LHFPL2: variants seen among roughly 807,000 people sequenced by gnomAD.
LHFPL2 encodes the protein LHFPL tetraspan subfamily member 2 protein.
A neutral mutation model predicts 17.5 loss-of-function variants in LHFPL2; 7 were observed. The ratio of observed to expected loss-of-function variants is 0.40; its 90% CI spans 0.23 to 0.75. The LOEUF (loss-of-function observed/expected upper bound fraction) is 0.75. Among genes scored for constraint, LHFPL2 ranks in the 30% least tolerant of loss-of-function variants. The pLI is 0.37. For synonymous variants in LHFPL2, 134 were observed against 116.2 expected, an observed-to-expected ratio of 1.15 and a Z score of -0.99; for missense variants, 241 against 294.8, an observed-to-expected ratio of 0.82 and a Z score of 1.34.
intron 4 of LHFPL2, among the ~76,000 whole-genome samples, chr5:78,507,336 A>T (rs914271882): frequency 3.9e-5 from 6 of 152,068 alleles, no homozygotes; most frequent in African/African-American, 1.2e-4. Context: ...TCTTAAAAAA[A>T]AAAAAGAAAA....
At chr5:78,601,490 T>C (rs1744012694) in intron 2 of LHFPL2, among the ~76,000 whole-genome samples, 1 of 152,160 alleles carries the variant, frequency 6.6e-6, no homozygotes, top group South Asian at 2.1e-4. Flanking sequence ...TCCCTGTAAG[T>C]TAGGCAGCCT....
Position 78,488,729 on chromosome 5 carries a change from G to A in LHFPL2, c.*168C>T, listed in dbSNP as rs1014372718. On this transcript the variant is annotated 3_prime_UTR_variant, in exon 5 of 5. Coordinates refer to ENST00000380345, the MANE Select transcript of LHFPL2 (RefSeq NM_005779.3). The stretch of plus-strand genomic sequence containing the variant: ...ATGTGCACTGCAGACCGCATGTCCA[G>A]TAACTTTGCGTAGCTGGATGTGGCC... 1 of 691,568 alleles carries A rather than the reference G, an allele frequency of 1.4e-6. No homozygotes were observed. Among genetic ancestry groups the A allele is most frequent in the South Asian group, 1.8e-5 (1 of 56,392 alleles). 42.8% of individuals were successfully genotyped at this position (691,568 alleles called of 1,614,324 possible). A position where few individuals can be genotyped will look rare whatever the true frequency, so the allele number is the denominator to read the frequency against.
In LHFPL2 at chr5:78,487,054, T is replaced by C. The variant is rs1754271179; in HGVS notation, c.*1843A>G. The C allele has an allele frequency of 6.6e-6, 1 of 152,206 alleles. No homozygotes were observed. 9.4% of individuals were successfully genotyped at this position (152,206 alleles called of 1,614,324 possible). On this transcript the variant is annotated 3_prime_UTR_variant, in exon 5 of 5. Transcript: ENST00000380345. ...GAGATATGGTTAAGGTTTCCTAGGCTGCTATGAAGATACCCGTTTTTTTCT... is the reference window on the plus strand; with the variant it reads ...GAGATATGGTTAAGGTTTCCTAGGCCGCTATGAAGATACCCGTTTTTTTCT...
chr5:78,595,437 T>C (rs1004066009), intron 2 of LHFPL2, among the ~76,000 whole-genome samples: 1 of 152,214 alleles, frequency 6.6e-6, no homozygotes, highest in Non-Finnish European at 1.5e-5. Context: ...CCTTTCCACC[T>C]AGGTGAACAA....
chr5:78,597,401 C>T (rs755934896), intron 2 of LHFPL2, among the ~76,000 whole-genome samples: 18 of 152,176 alleles, frequency 1.2e-4, no homozygotes, highest in Non-Finnish European at 1.9e-4. Flanking sequence ...TTTTCCCAAA[C>T]CTAGTGTTTT....
chr5:78,530,224 C>A (rs147622732), intron 3 of LHFPL2, among the ~76,000 whole-genome samples: 57 of 152,156 alleles, frequency 3.7e-4, no homozygotes, highest in African/African-American at 1.3e-3. Context: ...CTCTGAAATA[C>A]CAAGTGACTG....
rs147833964 is a variant in LHFPL2 at position 78,642,978 on chromosome 5, C to A, written c.-350+5521G>T. On this transcript the variant is annotated intron_variant, in intron 1 of 4. Coordinates refer to ENST00000380345, the MANE Select transcript of LHFPL2 (RefSeq NM_005779.3). Reference sequence around the variant, plus strand: ...CTCCCAGCTCACCTTGTTCCCCCCCCTCCTTGTTACCTAGCCCACCTTATG... The same window carrying A: ...CTCCCAGCTCACCTTGTTCCCCCCCATCCTTGTTACCTAGCCCACCTTATG... Among the ~76,000 whole-genome samples, 6 of 152,168 alleles carry A rather than the reference C, an allele frequency of 3.9e-5. No individual in the cohort carries two copies. In the East Asian group the frequency reaches 5.8e-4, roughly 15 times the overall value.
At chr5:78,618,771 C>T (rs540772556) in intron 2 of LHFPL2, among the ~76,000 whole-genome samples, 24 of 152,208 alleles carry the variant, frequency 1.6e-4, no homozygotes, top group African/African-American at 5.8e-4. Context: ...CCAGCCATAC[C>T]GTATATAAAT....
chr5:78,556,072 A>G (rs1185660681), intron 3 of LHFPL2, among the ~76,000 whole-genome samples: 1 of 152,122 alleles, frequency 6.6e-6, no homozygotes, highest in Non-Finnish European at 1.5e-5. Flanking sequence ...GGACAGGGGC[A>G]CCCACTGGGC....
At chr5:78,495,142 A>C (rs1259311665) in intron 4 of LHFPL2, among the ~76,000 whole-genome samples, 10 of 152,198 alleles carry the variant, frequency 6.6e-5, no homozygotes, top group African/African-American at 2.4e-4. Context: ...TACAGTGAGT[A>C]TTTCACTGGG....
chr5:78,574,280 A>G (rs938016301), intron 2 of LHFPL2, among the ~76,000 whole-genome samples: 16 of 152,332 alleles, frequency 1.1e-4, no homozygotes, highest in Admixed American at 1.0e-3. Flanking sequence ...TCTGTACACC[A>G]GGCCCAGCCC....
intron 3 of LHFPL2, among the ~76,000 whole-genome samples, chr5:78,512,616 C>T (rs1193956228): frequency 1.3e-5 from 2 of 151,982 alleles, no homozygotes; most frequent in East Asian, 1.9e-4. Context: ...CCTGCACGTA[C>T]CCATCAGGCT....
intron 2 of LHFPL2, among the ~76,000 whole-genome samples, chr5:78,590,411 T>A (rs543358086): frequency 2.7e-4 from 41 of 152,348 alleles, no homozygotes; most frequent in African/African-American, 9.4e-4. Context: ...TCTAACTATA[T>A]TGAAATCATT....
intron 2 of LHFPL2, among the ~76,000 whole-genome samples, chr5:78,622,342 C>T (rs755659337): frequency 6.6e-6 from 1 of 152,208 alleles, no homozygotes; most frequent in Non-Finnish European, 1.5e-5. Flanking sequence ...ACGATAGCAG[C>T]GCCAATGACT....
chr5:78,635,190 C>CTT (rs1052579086), intron 1 of LHFPL2, among the ~76,000 whole-genome samples: 70 of 152,268 alleles, frequency 4.6e-4, no homozygotes, highest in Non-Finnish European at 8.5e-4. Context: ...TTGGCTTTGG[C>CTT]AGCAGAATGC....
intron 3 of LHFPL2, among the ~76,000 whole-genome samples, chr5:78,518,604 C>T (rs1755356986): frequency 1.3e-5 from 2 of 152,220 alleles, no homozygotes; most frequent in South Asian, 4.1e-4. Flanking sequence ...ACAGAACGAT[C>T]CTTCAACTCT....
chr5:78,582,834 G>A (rs1456564005), intron 2 of LHFPL2, among the ~76,000 whole-genome samples: 3 of 152,086 alleles, frequency 2.0e-5, no homozygotes, highest in African/African-American at 7.2e-5. Context: ...CAATTCCTGG[G>A]TATCCTTGTT....
chr5:78,628,784 A>C (rs1745148218), intron 2 of LHFPL2, among the ~76,000 whole-genome samples: 1 of 152,248 alleles, frequency 6.6e-6, no homozygotes, highest in South Asian at 2.1e-4. Flanking sequence ...TTTCTTTTTC[A>C]AATTGTGGCC....
At chr5:78,531,137 C>T (rs1015938912) in intron 3 of LHFPL2, among the ~76,000 whole-genome samples, 2 of 152,076 alleles carry the variant, frequency 1.3e-5, no homozygotes, top group East Asian at 1.9e-4. Context: ...CACAATGAGC[C>T]GGGCATGGTG....
Sources: allele counts gnomAD v4.1 joint callset (sites outside exome capture counted in the v4.1 genomes callset), GRCh38; gene constraint gnomAD v4.1.1; transcripts MANE v1.5; gene names NCBI Gene and HGNC (gene_info 2026-07-23, HGNC 2026-07-21).